Variants in PPP2R2B observed in about 807,000 individuals in gnomAD.
The protein encoded by PPP2R2B is serine/threonine-protein phosphatase 2A 55 kDa regulatory subunit B beta isoform.
PPP2R2B carries 5 observed loss-of-function variants against 46.0 expected under a neutral mutation model. The observed-to-expected ratio is 0.11, with a 90% CI of 0.06 to 0.23. The LOEUF (loss-of-function observed/expected upper bound fraction) is 0.23, where lower values mean the gene tolerates loss of function less well. Among genes scored for constraint, PPP2R2B ranks in the 10% least tolerant of loss-of-function variants. The pLI is 1.00. For synonymous variants in PPP2R2B, 215 were observed against 206.7 expected (o/e 1.04, Z -0.34); for missense variants, 367 against 575.0 (o/e 0.64, Z 3.70).
At chr5:146,617,583 G>A (rs1315234501) in intron 7 of PPP2R2B, among the ~76,000 whole-genome samples, 1 of 152,122 alleles carries the variant, frequency 6.6e-6, no homozygotes, top group Admixed American at 6.5e-5. Context: ...ACTATGATAG[G>A]TGCTAGAGTT....
rs180896370 is a variant in PPP2R2B at position 146,921,034 on chromosome 5, T to C, written c.79+134631A>G. ...CTTTTCTAGGGTGCAGGGTACAGTA[T>C]GTTGTCTCTGGTCTTTGTTCTTCAG... On this transcript the variant is annotated intron_variant, in intron 1 of 8. Coordinates refer to the PPP2R2B transcript ENST00000336640. Among the ~76,000 whole-genome samples the C allele has an allele frequency of 3.3e-5, 5 of 152,304 alleles. No homozygotes were observed. The East Asian group carries it at 9.7e-4, about 29-fold the overall frequency.
chr5:146,649,589 C>T (rs200686296), intron 6 of PPP2R2B, among the ~76,000 whole-genome samples: 13 of 151,952 alleles, frequency 8.6e-5, no homozygotes, highest in East Asian at 1.9e-4. Flanking sequence ...GGACTACAGG[C>T]GCCCGCCACC....
At chr5:146,692,344 T>C (rs996989408) in intron 4 of PPP2R2B, among the ~76,000 whole-genome samples, 37 of 152,076 alleles carry the variant, frequency 2.4e-4, no homozygotes, top group African/African-American at 6.0e-4. Flanking sequence ...GCCCCAGCAC[T>C]TTTTACAACT....
intron 1 of PPP2R2B, among the ~76,000 whole-genome samples, chr5:146,936,828 CT>C (rs1311672261): frequency 6.6e-6 from 1 of 150,872 alleles, no homozygotes; most frequent in Admixed American, 6.6e-5. Flanking sequence ...TCCCGAGGTC[CT>C]TGTTCTGTTG....
At chr5:146,951,527 A>G (rs929161986) in intron 1 of PPP2R2B, among the ~76,000 whole-genome samples, 1 of 151,788 alleles carries the variant, frequency 6.6e-6, no homozygotes, top group African/African-American at 2.4e-5. Context: ...GGTCCCTCCC[A>G]ATAGGCCCCA....
intron 2 of PPP2R2B, among the ~76,000 whole-genome samples, chr5:147,069,597 C>A (rs1757514760): frequency 6.6e-6 from 1 of 152,020 alleles, no homozygotes; most frequent in South Asian, 2.1e-4. Flanking sequence ...CTGTCCAGGG[C>A]CTTCACACTT....
intron 2 of PPP2R2B, among the ~76,000 whole-genome samples, chr5:146,787,229 T>C (rs1210072208): frequency 6.6e-6 from 1 of 152,050 alleles, no homozygotes; most frequent in Admixed American, 6.6e-5. Context: ...GGAAGGGAAA[T>C]ATGGCAACCT....
At chr5:147,042,020 G>T (rs1044982319) in intron 1 of PPP2R2B, among the ~76,000 whole-genome samples, 1 of 152,004 alleles carries the variant, frequency 6.6e-6, no homozygotes, top group African/African-American at 2.4e-5. Flanking sequence ...GCACATCCAA[G>T]AATGCAATTA....
At chr5:146,707,423 T>C in intron 2 of PPP2R2B, 1 of 774,220 alleles carries the variant, frequency 1.3e-6, no homozygotes, top group Non-Finnish European at 2.4e-6. Flanking sequence ...GGGACGGCAG[T>C]GATGCCTCCC....
rs752717595 is a variant in PPP2R2B at position 146,701,093 on chromosome 5, C to G, written c.120G>C (p.Ala40=). 9 of 1,613,916 alleles carry G rather than the reference C, an allele frequency of 5.6e-6. No homozygotes were observed. The highest frequency in any genetic ancestry group is 2.2e-5 in the East Asian group (1 of 44,894). Residue 40 remains alanine, a synonymous_variant, in exon 3 of 10, where the codon GCG becomes GCC. Transcript: ENST00000394411. ...VEFNHTGELL[A]TGDKGGRVVI... is the part of the protein sequence containing the mutation. The stretch of plus-strand genomic sequence containing the variant: ...CAACCCGACCCCCCTTGTCCCCTGT[C>G]GCTAGTAATTCTCCCGTGTGGTTGA...
intron 1 of PPP2R2B, among the ~76,000 whole-genome samples, chr5:147,045,192 C>T (rs945903378): frequency 2.0e-5 from 3 of 152,186 alleles, no homozygotes; most frequent in African/African-American, 7.2e-5. Flanking sequence ...GACCACTTAT[C>T]TCTGTTTTGT....
At chr5:146,715,115 G>GA (rs1448157602) in intron 2 of PPP2R2B, among the ~76,000 whole-genome samples, 2 of 151,912 alleles carry the variant, frequency 1.3e-5, no homozygotes, top group African/African-American at 2.4e-5. Context: ...TCAGAGTGGG[G>GA]AAAAAAACCC....
intron 3 of PPP2R2B, among the ~76,000 whole-genome samples, chr5:146,698,373 C>T (rs1779331104): frequency 1.6e-5 from 2 of 128,726 alleles, no homozygotes; most frequent in South Asian, 5.2e-4. Context: ...TAATTATACA[C>T]ATGAACTTCT....
chr5:146,740,961 C>T (rs559821520), intron 2 of PPP2R2B, among the ~76,000 whole-genome samples: 2 of 150,984 alleles, frequency 1.3e-5, no homozygotes, highest in South Asian at 2.1e-4. Flanking sequence ...CACTTGAACC[C>T]GGGAGGCGGA....
At chr5:147,018,323 T>G (rs531694787) in intron 1 of PPP2R2B, among the ~76,000 whole-genome samples, 1 of 152,206 alleles carries the variant, frequency 6.6e-6, no homozygotes, top group East Asian at 1.9e-4. Flanking sequence ...ATAGCCACCA[T>G]GAAAGGCAGT....
intron 2 of PPP2R2B, among the ~76,000 whole-genome samples, chr5:146,705,302 C>G (rs141819361): frequency 6.6e-6 from 1 of 152,102 alleles, no homozygotes; most frequent in Non-Finnish European, 1.5e-5. Flanking sequence ...TGGTAGTTTT[C>G]GCCTTCAGCT....
chr5:146,836,889 T>C (rs1317373645), intron 2 of PPP2R2B, among the ~76,000 whole-genome samples: 2 of 152,226 alleles, frequency 1.3e-5, no homozygotes, highest in East Asian at 3.8e-4. Flanking sequence ...AAGATTATGT[T>C]CCTCTGAAGT....
intron 7 of PPP2R2B, among the ~76,000 whole-genome samples, chr5:146,600,962 G>A (rs1771725338): frequency 6.6e-6 from 1 of 152,118 alleles, no homozygotes; most frequent in Non-Finnish European, 1.5e-5. Flanking sequence ...TCCATTCCCT[G>A]CTCCTATAGT....
intron 7 of PPP2R2B, among the ~76,000 whole-genome samples, chr5:146,606,521 G>A (rs189523136): frequency 6.6e-5 from 10 of 152,312 alleles, no homozygotes; most frequent in South Asian, 4.1e-4. Context: ...GTTCTAGGGC[G>A]GTTGTGAGAA....
Sources: allele counts gnomAD v4.1 joint callset (sites outside exome capture counted in the v4.1 genomes callset), GRCh38; gene constraint gnomAD v4.1.1; transcripts MANE v1.5; gene names NCBI Gene and HGNC (gene_info 2026-07-23, HGNC 2026-07-21).